The following ENY2 variants were observed in gnomAD, a reference collection of about 807,000 sequenced individuals.
ENY2 encodes the protein transcription and mRNA export factor ENY2.
In ENY2, 4 loss-of-function variants were observed where a neutral mutation model predicts 15.9. The observed-to-expected ratio is 0.25, with a 90% CI of 0.12 to 0.57. The LOEUF (loss-of-function observed/expected upper bound fraction) is 0.57, where lower values mean the gene tolerates loss of function less well. Ranked by LOEUF, ENY2 falls within the 20% of genes least tolerant of loss-of-function variation. The pLI, the probability that ENY2 is intolerant of heterozygous loss-of-function variation, is 0.91. For synonymous variants in ENY2, 48 were observed against 38.0 expected, an observed-to-expected ratio of 1.26 and a Z score of -0.97; for missense variants, 54 against 117.2, an observed-to-expected ratio of 0.46 and a Z score of 2.49.
chr8:109,343,290 TGAG>T (rs970400766), intron 4 of ENY2, 112 bp from the exon 5 acceptor site: 1 of 717,356 alleles, frequency 1.4e-6, no homozygotes, highest in African/African-American at 1.8e-5. Context: ...TAATTGAACA[TGAG>T]GGTTATTTAT....
At chr8:109,339,217 T>C in intron 2 of ENY2, 103 bp from the exon 3 acceptor site, 2 of 1,022,312 alleles carry the variant, frequency 2.0e-6, no homozygotes, top group Non-Finnish European at 3.0e-6. Flanking sequence ...GTTTTGTAAC[T>C]GGAAGGCAGG....
rs930257990 is a variant in ENY2, at chr8:109,343,276, T to C, written c.230-129T>C. On this transcript the variant is annotated intron_variant, in intron 4 of 4. Transcript: ENST00000521688. ...TTCTTTGTCAGATAACTTTACCTTT[T>C]TTTTAATTGAACATGAGGGTTATTT... The C allele has an allele frequency of 1.1e-5, 7 of 643,276 alleles. No homozygotes were observed. In the Admixed American group the frequency reaches 2.2e-4, roughly 21 times the overall value. 39.8% of individuals were successfully genotyped at this position (643,276 alleles called of 1,614,324 possible). A position where few individuals can be genotyped will look rare whatever the true frequency, so the allele number is the denominator to read the frequency against.
At chr8:109,342,552 G>A (rs1405167834) in intron 4 of ENY2, 7 of 430,770 alleles carry the variant, frequency 1.6e-5, no homozygotes, top group Middle Eastern at 6.4e-4. Context: ...CTCTGTCACC[G>A]AGGATGGAGT....
Position 109,343,481 on chromosome 8 carries a change from A to C in ENY2, c.306A>C (p.Ter102TyrextTer2). ...RTFLAQHASL[*>Y] ...TCCTTGCTCAGCATGCCAGCCTTTA[A>C]GATTGAATTAGATTGTGTTGTTGTG... is the stretch of plus-strand genomic sequence containing the variant. Residue 102 changes from the stop codon to tyrosine (Y), a stop_lost, in exon 5 of 5, where the codon TAA (stop) becomes TAC (tyrosine). Coordinates refer to ENST00000521688, the MANE Select transcript of ENY2 (RefSeq NM_020189.6). 1 of 1,606,908 alleles carries C rather than the reference A, an allele frequency of 6.2e-7. No homozygotes were observed. The highest frequency in any genetic ancestry group is 8.5e-7 in the Non-Finnish European group (1 of 1,177,464).
rs558752817 is a variant in ENY2 at position 109,339,703 on chromosome 8, T to C, written c.154+313T>C. On this transcript the variant is annotated intron_variant, in intron 3 of 4. Coordinates refer to ENST00000521688, the MANE Select transcript of ENY2 (RefSeq NM_020189.6). The stretch of plus-strand genomic sequence containing the variant: ...GAACACTTTAGGGTTGGCAGACTTA[T>C]AGAAATTATCTCTTTCCTGTCTTTA... 1.1e-4 allele frequency: 27 copies of C among 249,398 alleles called. No individual in the cohort carries two copies. The South Asian group carries it at 1.5e-3, about 14-fold the overall frequency. The allele number at this position is 249,398 out of a possible 1,614,324, so 15.4% of individuals were successfully genotyped here.
rs575620256 is a variant in ENY2, at chr8:109,338,165, A to C, written c.84-1155A>C. 2.0e-5 allele frequency among the ~76,000 whole-genome samples: 3 copies of C among 152,338 alleles called. No individual in the cohort carries two copies. The East Asian group carries it at 5.8e-4, about 29-fold the overall frequency. On this transcript the variant is annotated intron_variant, in intron 2 of 4. Transcript: ENST00000521688. The stretch of plus-strand genomic sequence containing the variant: ...TTTTTGAGCAGCAGGAGAAGAACTA[A>C]GTGTACAAGGGAAGAAGCAGGGAGA...
chr8:109,340,637 TTTTC>T lies in ENY2; in HGVS notation c.229+80_229+83del. The T allele has an allele frequency of 2.5e-6, 4 of 1,578,018 alleles. No homozygotes were observed. In the Admixed American group the frequency reaches 5.5e-5, roughly 22 times the overall value. ...TTTTAAAATCTCTTGCTGGTTCAGA[TTTTC>T]TTTCTGTTTTTAAGGAAAAGCACTA... On this transcript the variant is annotated intron_variant, in intron 4 of 4. Coordinates refer to ENST00000521688, the MANE Select transcript of ENY2 (RefSeq NM_020189.6).
intron 4 of ENY2, among the ~76,000 whole-genome samples, 155 bp from the exon 5 acceptor site, chr8:109,343,248 CTT>C (rs1431487357): frequency 4.0e-5 from 6 of 151,408 alleles, no homozygotes; most frequent in African/African-American, 1.5e-4. Context: ...CAAGAAGACA[CTT>C]TTCTTTGTCA....
chr8:109,339,070 A>T (rs1006545960), intron 2 of ENY2: 1 of 515,186 alleles, frequency 1.9e-6, no homozygotes, highest in African/African-American at 1.9e-5. Context: ...CTTCTTGAAA[A>T]GTATTTTAGC....
At position 109,345,737 on chromosome 8, in the gene ENY2, A is replaced by C. The variant is rs1816230658; in HGVS notation, c.*2256A>C. On this transcript the variant is annotated 3_prime_UTR_variant, in exon 5 of 5. Transcript: ENST00000521688. ...ATTTTATTACCTCAAAAATATATAAAAATGAAAACGTTATGAAAATATTTT... is the reference window on the plus strand; with the variant it reads ...ATTTTATTACCTCAAAAATATATAACAATGAAAACGTTATGAAAATATTTT... 6.6e-6 allele frequency: 1 copy of C among 152,218 alleles called. No individual in the cohort carries two copies. The highest frequency in any genetic ancestry group is 1.5e-5 in the Non-Finnish European group (1 of 68,028). 9.4% of individuals were successfully genotyped at this position (152,218 alleles called of 1,614,324 possible).
At position 109,343,499 on chromosome 8, in the gene ENY2, T is replaced by G. The variant is rs116980247; in HGVS notation, c.*18T>G. The G allele has an allele frequency of 8.1e-3, 12,822 of 1,587,452 alleles. 97 individuals carry two copies. Among genetic ancestry groups the G allele is most frequent in the Middle Eastern group, 0.042 (247 of 5,908 alleles). ...GCCTTTAAGATTGAATTAGATTGTGTTGTTGTGGTTTTATTTCTGAAAGTA... is the reference window on the plus strand; with the variant it reads ...GCCTTTAAGATTGAATTAGATTGTGGTGTTGTGGTTTTATTTCTGAAAGTA... On this transcript the variant is annotated 3_prime_UTR_variant, in exon 5 of 5. Transcript: ENST00000521688.
intron 3 of ENY2, chr8:109,339,895 G>A (rs1412641441): frequency 6.5e-6 from 1 of 154,936 alleles, no homozygotes; most frequent in African/African-American, 2.4e-5. Flanking sequence ...TGATATAATG[G>A]AACTCTGGAT....
At chr8:109,336,316 A>G in intron 2 of ENY2, 112 bp downstream of exon 2, 1 of 972,590 alleles carries the variant, frequency 1.0e-6, no homozygotes, top group Non-Finnish European at 1.5e-6. Flanking sequence ...AATTGAGATT[A>G]TAAAAGTTTC....
In ENY2 at chr8:109,344,044, T is replaced by C. The variant is rs1816179461; in HGVS notation, c.*563T>C. 6.6e-6 allele frequency: 1 copy of C among 152,216 alleles called. No individual in the cohort carries two copies. The highest frequency in any genetic ancestry group is 1.5e-5 in the Non-Finnish European group (1 of 68,076). The allele number at this position is 152,216 out of a possible 1,614,324, so 9.4% of individuals were successfully genotyped here. ...ACCAAGCTCCTTCCACATACTCTAC[T>C]CATCTGAACTTTGAATGCAGAATCT... On this transcript the variant is annotated 3_prime_UTR_variant, in exon 5 of 5. Coordinates refer to ENST00000521688, the MANE Select transcript of ENY2 (RefSeq NM_020189.6).
intron 3 of ENY2, chr8:109,339,646 A>G: frequency 2.6e-6 from 1 of 389,752 alleles, no homozygotes; most frequent in Non-Finnish European, 4.6e-6. Context: ...TCTTTCAGCA[A>G]CTTTATTGTT....
At chr8:109,339,264 A>G (rs761172850) in intron 2 of ENY2, 56 bp from the exon 3 acceptor site, 8 of 1,530,080 alleles carry the variant, frequency 5.2e-6, no homozygotes, top group African/African-American at 2.7e-5. Flanking sequence ...TGCTTCATAC[A>G]TTCCTGTCTA....
chr8:109,345,010 T>TA lies in ENY2; in HGVS notation c.*1530dup, dbSNP rs1816207468. 6.6e-6 allele frequency: 1 copy of TA among 152,176 alleles called. No individual in the cohort carries two copies. The highest frequency in any genetic ancestry group is 2.1e-4 in the South Asian group (1 of 4,828). The allele number at this position is 152,176 out of a possible 1,614,324, so 9.4% of individuals were successfully genotyped here. A position where few individuals can be genotyped will look rare whatever the true frequency, so the allele number is the denominator to read the frequency against. On this transcript the variant is annotated 3_prime_UTR_variant, in exon 5 of 5. Coordinates refer to ENST00000521688, the MANE Select transcript of ENY2 (RefSeq NM_020189.6). ...TGATCTGACATCGTGTTTCTCTAGT[T>TA]AGACTAAAGAATCCCCACTATGAAG...
chr8:109,340,802 C>T (rs1372959267), intron 4 of ENY2: 1 of 411,254 alleles, frequency 2.4e-6, no homozygotes, highest in East Asian at 4.3e-5. Context: ...TACAGTTGTT[C>T]AAGCAAATAA....
In ENY2 at chr8:109,345,333, C is replaced by G. The variant is rs906005477; in HGVS notation, c.*1852C>G. On this transcript the variant is annotated 3_prime_UTR_variant, in exon 5 of 5. Coordinates refer to ENST00000521688, the MANE Select transcript of ENY2 (RefSeq NM_020189.6). Reference sequence around the variant, plus strand: ...AAAAATGAAGGAACAAGTGAATGAACAGTATGGGAGTATGAGAAAAGGTAT... The same window carrying G: ...AAAAATGAAGGAACAAGTGAATGAAGAGTATGGGAGTATGAGAAAAGGTAT... 1 of 152,102 alleles carries G rather than the reference C, an allele frequency of 6.6e-6. No homozygotes were observed. Among genetic ancestry groups the G allele is most frequent in the Non-Finnish European group, 1.5e-5 (1 of 68,028 alleles). The allele number at this position is 152,102 out of a possible 1,614,324, so 9.4% of individuals were successfully genotyped here.
Sources: gnomAD v4.1 joint callset for allele counts (sites outside exome capture counted in the v4.1 genomes callset) on GRCh38, gnomAD v4.1.1 for gene constraint, MANE v1.5 for transcripts, NCBI Gene and HGNC (gene_info 2026-07-23, HGNC 2026-07-21) for gene names.